Variants in ADGRB3 observed in about 807,000 individuals in gnomAD.
ADGRB3 encodes adhesion G protein-coupled receptor B3.
ADGRB3 carries 37 observed loss-of-function variants against 193.4 expected under a neutral mutation model. The ratio of observed to expected loss-of-function variants is 0.19; its 90% CI spans 0.15 to 0.25. The LOEUF is 0.25. ADGRB3 is among the 10% of genes least tolerant of loss of function. The probability of loss-of-function intolerance (pLI) is 1.00; values close to 1 mark genes in which losing one functional copy is unlikely to be tolerated. For synonymous variants in ADGRB3, 690 were observed against 644.2 expected (o/e 1.07, Z -1.08); for missense variants, 1,637 against 1,852.9 (o/e 0.88, Z 2.14).
intron 3 of ADGRB3, among the ~76,000 whole-genome samples, chr6:68,692,335 A>G (rs1002866411): frequency 6.6e-6 from 1 of 151,860 alleles, no homozygotes; most frequent in African/African-American, 2.4e-5. Flanking sequence ...TAAAGCAATG[A>G]AATCTTCTTT....
intron 13 of ADGRB3, among the ~76,000 whole-genome samples, chr6:69,047,089 G>C (rs1446723745): frequency 6.6e-6 from 1 of 152,152 alleles, no homozygotes; most frequent in Non-Finnish European, 1.5e-5. Context: ...TCGATCTCCT[G>C]ACCTCGTGAT....
intron 3 of ADGRB3, among the ~76,000 whole-genome samples, chr6:68,790,383 G>C (rs1480668917): frequency 6.6e-6 from 1 of 152,208 alleles, no homozygotes; most frequent in Non-Finnish European, 1.5e-5. Context: ...CAAACAAAAA[G>C]ACAGCACTAA....
chr6:68,884,355 C>CG (rs1455009205), intron 3 of ADGRB3, among the ~76,000 whole-genome samples: 1 of 151,958 alleles, frequency 6.6e-6, no homozygotes, highest in African/African-American at 2.4e-5. Context: ...CTGTGATAAG[C>CG]GCTGCAAAGA....
chr6:68,899,965 T>C (rs1766348894), intron 3 of ADGRB3, among the ~76,000 whole-genome samples: 1 of 152,084 alleles, frequency 6.6e-6, no homozygotes, highest in Non-Finnish European at 1.5e-5. Context: ...ATGAGTAATA[T>C]ACCTGAGAGT....
At chr6:68,826,100 T>C (rs1277026194) in intron 3 of ADGRB3, among the ~76,000 whole-genome samples, 1 of 152,124 alleles carries the variant, frequency 6.6e-6, no homozygotes, top group Admixed American at 6.5e-5. Context: ...TGATTCTAAG[T>C]GCTAGGAACA....
At chr6:69,037,196 C>G (rs900413309) in intron 13 of ADGRB3, among the ~76,000 whole-genome samples, 6 of 152,080 alleles carry the variant, frequency 3.9e-5, no homozygotes, top group Admixed American at 2.6e-4. Flanking sequence ...ATGGTGGCAC[C>G]TTCTAGTAAG....
At chr6:69,342,640 G>T (rs1420883302) in intron 26 of ADGRB3, among the ~76,000 whole-genome samples, 1 of 152,040 alleles carries the variant, frequency 6.6e-6, no homozygotes, top group Non-Finnish European at 1.5e-5. Flanking sequence ...GAGAAGAGAA[G>T]TATCTTCCCA....
At chr6:68,889,171 G>T (rs1766001825) in intron 3 of ADGRB3, among the ~76,000 whole-genome samples, 1 of 152,098 alleles carries the variant, frequency 6.6e-6, no homozygotes, top group South Asian at 2.1e-4. Flanking sequence ...ACATTTCAGT[G>T]GTGTTACTAA....
chr6:68,943,465 T>A (rs951851392), intron 5 of ADGRB3, among the ~76,000 whole-genome samples: 4 of 152,120 alleles, frequency 2.6e-5, no homozygotes, highest in African/African-American at 9.6e-5. Context: ...TAGGAGATTA[T>A]CTCTGTTATA....
intron 20 of ADGRB3, among the ~76,000 whole-genome samples, chr6:69,298,070 C>T (rs1767867793): frequency 6.6e-6 from 1 of 151,938 alleles, no homozygotes; most frequent in South Asian, 2.1e-4. Flanking sequence ...ATTACTTTTC[C>T]TTATAAAAGA....
At chr6:68,716,418 G>T (rs1290158953) in intron 3 of ADGRB3, among the ~76,000 whole-genome samples, 1 of 151,478 alleles carries the variant, frequency 6.6e-6, no homozygotes, top group Non-Finnish European at 1.5e-5. Context: ...AGATATTAAA[G>T]TTCTCTTCAA....
chr6:68,664,151 C>A (rs756075884), intron 3 of ADGRB3, among the ~76,000 whole-genome samples: 3 of 151,636 alleles, frequency 2.0e-5, no homozygotes, highest in African/African-American at 4.8e-5. Context: ...ATTTTTAGAA[C>A]GTAATAAATA....
chr6:69,233,286 G>T lies in ADGRB3; in HGVS notation c.2481-4G>T, dbSNP rs751772728. ...ATTTCCTCCCCCCTCACTCCCCTTT[G>T]CAGGAACGAGTCTTTGGGAACGTGG... On this transcript the variant is annotated splice_region_variant and splice_polypyrimidine_tract_variant and intron_variant, in intron 17 of 31. Coordinates refer to ENST00000370598, the MANE Select transcript of ADGRB3 (RefSeq NM_001704.3). 49 of 1,612,834 alleles carry T rather than the reference G, an allele frequency of 3.0e-5. No individual in the cohort carries two copies. The East Asian group carries it at 1.1e-3, about 35-fold the overall frequency.
intron 17 of ADGRB3, among the ~76,000 whole-genome samples, chr6:69,187,757 C>T (rs1765100754): frequency 6.6e-6 from 1 of 152,270 alleles, no homozygotes; most frequent in East Asian, 1.9e-4. Context: ...ATGAAGCCTT[C>T]CCAACTTTTG....
At chr6:68,689,651 C>G (rs1765038301) in intron 3 of ADGRB3, among the ~76,000 whole-genome samples, 1 of 150,344 alleles carries the variant, frequency 6.7e-6, no homozygotes, top group South Asian at 2.1e-4. Context: ...TTTATTGTTT[C>G]TTCTGTTTTG....
intron 16 of ADGRB3, among the ~76,000 whole-genome samples, chr6:69,073,366 C>G (rs955517148): frequency 1.3e-5 from 2 of 152,104 alleles, no homozygotes; most frequent in Admixed American, 6.6e-5. Flanking sequence ...TGAGAATCCA[C>G]CCAAGTGCTG....
At chr6:68,972,794 A>G (rs1768624996) in intron 8 of ADGRB3, among the ~76,000 whole-genome samples, 1 of 152,226 alleles carries the variant, frequency 6.6e-6, no homozygotes, top group Admixed American at 6.5e-5. Flanking sequence ...GACACAAAGA[A>G]TGAGACAAAG....
At chr6:68,789,517 G>A (rs904309503) in intron 3 of ADGRB3, among the ~76,000 whole-genome samples, 1 of 152,204 alleles carries the variant, frequency 6.6e-6, no homozygotes, top group African/African-American at 2.4e-5. Context: ...TTTCTGCGGA[G>A]AGATCAGCTG....
chr6:69,228,758 C>T (rs1766074050), intron 17 of ADGRB3, among the ~76,000 whole-genome samples: 1 of 152,146 alleles, frequency 6.6e-6, no homozygotes, highest in Admixed American at 6.5e-5. Context: ...TTTCATAGGA[C>T]ATGTTCAGTA....
Sources: allele counts gnomAD v4.1 joint callset (sites outside exome capture counted in the v4.1 genomes callset), GRCh38; gene constraint gnomAD v4.1.1; transcripts MANE v1.5; gene names NCBI Gene and HGNC (gene_info 2026-07-23, HGNC 2026-07-21).